Variants in TFDP2 observed in about 807,000 individuals in gnomAD.
The protein encoded by TFDP2 is transcription factor Dp-2.
A neutral mutation model predicts 59.3 loss-of-function variants in TFDP2; 17 were observed. The ratio of observed to expected loss-of-function variants is 0.29; its 90% CI spans 0.20 to 0.43. The LOEUF is 0.43. TFDP2 is among the 20% of genes least tolerant of loss of function. The pLI is 1.00. For synonymous variants in TFDP2, 180 were observed against 194.7 expected (o/e 0.92, Z 0.63); for missense variants, 391 against 528.8 (o/e 0.74, Z 2.56).
chr3:142,120,582 T>A (rs142756471), intron 1 of TFDP2, among the ~76,000 whole-genome samples: 103 of 152,296 alleles, frequency 6.8e-4, no homozygotes, highest in African/African-American at 2.4e-3. Context: ...ATCAGGTGAC[T>A]GAAATGTTGT....
chr3:142,066,347 GT>G (rs969409769), intron 3 of TFDP2, among the ~76,000 whole-genome samples: 1 of 152,154 alleles, frequency 6.6e-6, no homozygotes, highest in Non-Finnish European at 1.5e-5. Context: ...TAAACCCATT[GT>G]AAGATGAAAA....
intron 1 of TFDP2, among the ~76,000 whole-genome samples, chr3:142,120,077 A>T (rs2061991978): frequency 6.6e-6 from 1 of 150,776 alleles, no homozygotes; most frequent in African/African-American, 2.4e-5. Flanking sequence ...AAAAGAAAAA[A>T]GAAGGCTGGG....
chr3:141,997,182 C>T (rs1943348993), intron 4 of TFDP2, among the ~76,000 whole-genome samples: 1 of 152,022 alleles, frequency 6.6e-6, no homozygotes, highest in Non-Finnish European at 1.5e-5. Flanking sequence ...AGGGGATGCT[C>T]ATAGGAAAGG....
intron 3 of TFDP2, among the ~76,000 whole-genome samples, chr3:142,034,885 T>A (rs970703686): frequency 6.6e-6 from 1 of 152,108 alleles, no homozygotes; most frequent in South Asian, 2.1e-4. Context: ...TTTTTGTATA[T>A]TTAGTAGTGA....
At chr3:141,969,371 G>T (rs902949443) in intron 9 of TFDP2, among the ~76,000 whole-genome samples, 2 of 149,730 alleles carry the variant, frequency 1.3e-5, no homozygotes, top group East Asian at 3.9e-4. Flanking sequence ...CCAGCACTTT[G>T]GGAGGCTGAG....
At chr3:141,969,976 C>T (rs1388280106) in intron 9 of TFDP2, 97 bp downstream of exon 9, 7 of 1,226,494 alleles carry the variant, frequency 5.7e-6, no homozygotes, top group African/African-American at 1.5e-5. Flanking sequence ...GCTCACCACA[C>T]ACCACTCAGA....
chr3:142,111,403 G>A (rs2061655061), intron 1 of TFDP2, among the ~76,000 whole-genome samples: 1 of 147,800 alleles, frequency 6.8e-6, no homozygotes, highest in Admixed American at 6.9e-5. Context: ...ACTCCGGCCT[G>A]GCCGACAGAG....
At chr3:142,132,985 G>T (rs943393249) in intron 1 of TFDP2, among the ~76,000 whole-genome samples, 2 of 149,452 alleles carry the variant, frequency 1.3e-5, no homozygotes, top group South Asian at 4.2e-4. Context: ...CCATTTTATG[G>T]AGCTGAACAA....
chr3:142,148,512 T>C (rs2063256323), intron 1 of TFDP2, among the ~76,000 whole-genome samples: 2 of 152,114 alleles, frequency 1.3e-5, no homozygotes, highest in South Asian at 4.1e-4. Flanking sequence ...ACACACCGAA[T>C]AGGTGGATGC....
At chr3:142,043,388 G>T (rs977292689) in intron 3 of TFDP2, among the ~76,000 whole-genome samples, 3 of 150,930 alleles carry the variant, frequency 2.0e-5, no homozygotes, top group Non-Finnish European at 4.4e-5. Context: ...TTTGGAGACT[G>T]AGTCTCACTC....
chr3:142,046,918 G>T (rs545541993), intron 3 of TFDP2, among the ~76,000 whole-genome samples: 1 of 152,202 alleles, frequency 6.6e-6, no homozygotes, highest in Admixed American at 6.5e-5. Flanking sequence ...AGCCCAAAAG[G>T]TCCTAAAATA....
At chr3:142,025,967 AAAAC>A (rs1228948264) in intron 3 of TFDP2, among the ~76,000 whole-genome samples, 1 of 152,204 alleles carries the variant, frequency 6.6e-6, no homozygotes, top group South Asian at 2.1e-4. Context: ...TCCATCTCAA[AAAAC>A]AAACAAACTT....
chr3:142,140,475 C>G (rs2108750128), intron 1 of TFDP2, among the ~76,000 whole-genome samples: 2 of 152,326 alleles, frequency 1.3e-5, no homozygotes, highest in Admixed American at 1.3e-4. Flanking sequence ...CTTTTCTGCT[C>G]TGGTTTCTCC....
intron 1 of TFDP2, among the ~76,000 whole-genome samples, chr3:142,124,719 TG>T (rs2062174971): frequency 6.6e-6 from 1 of 151,974 alleles, no homozygotes; most frequent in Admixed American, 6.6e-5. Context: ...CTACAAAAAA[TG>T]CACATTTTTT....
intron 3 of TFDP2, among the ~76,000 whole-genome samples, chr3:142,068,527 T>A (rs889289244): frequency 8.5e-5 from 13 of 152,254 alleles, no homozygotes; most frequent in Admixed American, 2.6e-4. Context: ...CAAGAAACAT[T>A]ATATGTTTTC....
chr3:141,952,992 A>G lies in TFDP2; in HGVS notation c.1076T>C (p.Leu359Ser), dbSNP rs745320210. The change falls in exon 12 of 13, where the codon TTA becomes TCA. Residue 359 changes from leucine to serine, a missense_variant. Physicochemically the swap from Leu to Ser is moderately radical, Grantham distance 145 (BLOSUM62 -2). Around this residue, in one of 3 missense-constraint regions of TFDP2, gnomAD observed 223 missense variants for 292.5 expected, o/e 0.76. Transcript: ENST00000489671. Reference sequence around the variant, plus strand: ...AGAGTTCAGAAGTAGTCCCTGATTTAACCAAGAAGGTCCTGTGGAGATATC... The same window carrying G: ...AGAGTTCAGAAGTAGTCCCTGATTTGACCAAGAAGGTCCTGTGGAGATATC... ...ITDISTGPSW[L>S]NQGLLLNSTQ... 7 of 1,614,104 alleles carry G rather than the reference A, an allele frequency of 4.3e-6. No individual in the cohort carries two copies. The Admixed American group carries it at 5.0e-5, about 12-fold the overall frequency.
chr3:142,110,954 GA>G (rs10713378), intron 1 of TFDP2, among the ~76,000 whole-genome samples: 132,259 of 148,708 alleles, frequency 0.89, 58,957 homozygotes, highest in African/African-American at 0.97. Flanking sequence ...CTCTGCCTTG[GA>G]AAAAAAAAAA....
chr3:142,041,148 T>C (rs1946949207), intron 3 of TFDP2, among the ~76,000 whole-genome samples: 1 of 152,208 alleles, frequency 6.6e-6, no homozygotes, highest in Admixed American at 6.5e-5. Context: ...GCAACTGATG[T>C]CATAAGTGAG....
intron 1 of TFDP2, among the ~76,000 whole-genome samples, chr3:142,138,330 T>C (rs1225344311): frequency 1.3e-5 from 2 of 152,316 alleles, no homozygotes; most frequent in Admixed American, 6.5e-5. Flanking sequence ...AACTCCTGGA[T>C]TCATTGATTT....
Sources: allele counts gnomAD v4.1 joint callset (sites outside exome capture counted in the v4.1 genomes callset), GRCh38; gene constraint gnomAD v4.1.1; regional missense constraint gnomAD v4.1.1; transcripts MANE v1.5; gene names NCBI Gene and HGNC (gene_info 2026-07-23, HGNC 2026-07-21).